FA2H: variants seen among roughly 807,000 people sequenced by gnomAD.
The protein encoded by FA2H is fatty acid alpha-hydroxylase.
A neutral mutation model predicts 44.9 loss-of-function variants in FA2H; 22 were observed. That is an observed-to-expected ratio of 0.49 (90% CI 0.35 to 0.70). The LOEUF (loss-of-function observed/expected upper bound fraction) is 0.70, where lower values mean the gene tolerates loss of function less well. Among genes scored for constraint, FA2H ranks in the 30% least tolerant of loss-of-function variants. The pLI is 0.01. For missense variants in FA2H, 501 were observed against 504.9 expected (o/e 0.99, Z 0.07); for synonymous variants, 243 against 213.2 (o/e 1.14, Z -1.22).
Position 74,714,246 on chromosome 16 carries a change from A to G in FA2H, c.1063T>C (p.Trp355Arg). The G allele has an allele frequency of 6.4e-7, 1 of 1,563,206 alleles. No individual in the cohort carries two copies. The highest frequency in any genetic ancestry group is 1.2e-5 in the South Asian group (1 of 84,770). ...KSGFGISTKL[W>R]DYCFHTLTPE... ...GTGAGGGTGTGGAAACAGTAATCCC[A>G]CAATTTAGTGCTGATACCAAATCCT... The change falls in exon 7 of 7, where the codon TGG becomes CGG. Residue 355 changes from tryptophan to arginine, a missense_variant. Transcript: ENST00000219368.
rs138154990 is a variant in FA2H, at chr16:74,754,789, A to G, written c.271-14674T>C. ...GTGACCCTCCTGCCTCGGCCTCCCA[A>G]AGTGCTGGGATTACATGCCTGAGCC... On this transcript the variant is annotated intron_variant, in intron 1 of 6. Coordinates refer to ENST00000219368, the MANE Select transcript of FA2H (RefSeq NM_024306.5). Among the ~76,000 whole-genome samples the G allele has an allele frequency of 1.8e-4, 28 of 152,194 alleles. No individual in the cohort carries two copies. The East Asian group carries it at 4.4e-3, about 24-fold the overall frequency.
At chr16:74,725,993 G>T in intron 4 of FA2H, 1 of 519,640 alleles carries the variant, frequency 1.9e-6, no homozygotes. Context: ...GCCACCCGAT[G>T]ATTCCATTTA....
At chr16:74,738,124 A>G (rs1318095132) in intron 2 of FA2H, among the ~76,000 whole-genome samples, 4 of 152,104 alleles carry the variant, frequency 2.6e-5, no homozygotes, top group African/African-American at 9.7e-5. Flanking sequence ...CTCCGTCCAG[A>G]GTAGGCCTCC....
chr16:74,731,698 T>C (rs1432377894), intron 2 of FA2H, among the ~76,000 whole-genome samples: 1 of 152,146 alleles, frequency 6.6e-6, no homozygotes, highest in Non-Finnish European at 1.5e-5. Context: ...TATTTTCTAT[T>C]TGTCTCCTCT....
At chr16:74,774,112 C>G (rs1363369159) in intron 1 of FA2H, among the ~76,000 whole-genome samples, 2 of 151,884 alleles carry the variant, frequency 1.3e-5, no homozygotes, top group African/African-American at 4.8e-5. Context: ...GAGGGAGAGG[C>G]CGATAAGTGA....
At chr16:74,717,661 C>A (rs1021628865) in intron 5 of FA2H, among the ~76,000 whole-genome samples, 1 of 152,186 alleles carries the variant, frequency 6.6e-6, no homozygotes, top group Non-Finnish European at 1.5e-5. Flanking sequence ...TCTGAGAACA[C>A]GTTCCTGATT....
rs577797404 is a variant in FA2H at position 74,760,155 on chromosome 16, T to C, written c.270+14331A>G. On this transcript the variant is annotated intron_variant, in intron 1 of 6. Transcript: ENST00000219368. Reference sequence around the variant, plus strand: ...AATGACAGGAGAATTGCTTGTCCACTCCCCTGGACACCCACTACGCTGCCG... The same window carrying C: ...AATGACAGGAGAATTGCTTGTCCACCCCCCTGGACACCCACTACGCTGCCG... Among the ~76,000 whole-genome samples, 444 of 152,174 alleles carry C rather than the reference T, an allele frequency of 2.9e-3. 3 individuals carry two copies. The highest frequency in any genetic ancestry group is 0.01 in the African/African-American group (431 of 41,510).
At chr16:74,743,284 GTA>G (rs1383216695) in intron 1 of FA2H, among the ~76,000 whole-genome samples, 1 of 152,258 alleles carries the variant, frequency 6.6e-6, no homozygotes, top group African/African-American at 2.4e-5. Flanking sequence ...GTAACAGGAA[GTA>G]AATCAAATGT....
Position 74,726,246 on chromosome 16 carries a change from G to A in FA2H, c.592C>T (p.Leu198Phe). The change falls in exon 4 of 7, where the codon CTC becomes TTC. Residue 198 changes from leucine (L) to phenylalanine (F), a missense_variant. Coordinates refer to ENST00000219368, the MANE Select transcript of FA2H (RefSeq NM_024306.5). The part of the protein sequence containing the change: ...YRTFAQGNVR[L>F]FTSFTTEYTV... ...TTACCTGTTGTAAATGACGTGAAGA[G>A]TCGGACGTTGCCCTGGGCAAAGGTT... 6.2e-7 allele frequency: 1 copy of A among 1,613,540 alleles called. No homozygotes were observed. Among genetic ancestry groups the A allele is most frequent in the Admixed American group, 1.7e-5 (1 of 60,030 alleles).
chr16:74,756,548 A>C (rs1460917944), intron 1 of FA2H, among the ~76,000 whole-genome samples: 2 of 151,806 alleles, frequency 1.3e-5, no homozygotes, highest in Non-Finnish European at 2.9e-5. Flanking sequence ...AATCACTCCC[A>C]CCTCCTGTTC....
chr16:74,770,340 C>G (rs1169169604), intron 1 of FA2H, among the ~76,000 whole-genome samples: 1 of 152,232 alleles, frequency 6.6e-6, no homozygotes, highest in Admixed American at 6.5e-5. Flanking sequence ...ATCCCACCCC[C>G]AGATTTCTCC....
At chr16:74,744,154 C>T (rs1420266023) in intron 1 of FA2H, among the ~76,000 whole-genome samples, 10 of 152,156 alleles carry the variant, frequency 6.6e-5, no homozygotes, top group East Asian at 3.9e-4. Context: ...TCCAGACTCC[C>T]GCCCCGGTGT....
chr16:74,714,000 A>G lies in FA2H; in HGVS notation c.*190T>C. On this transcript the variant is annotated 3_prime_UTR_variant, in exon 7 of 7. Transcript: ENST00000219368. ...GCCACCTGGCCACCAAGTGGATGTG[A>G]CCCTCCTACCAGGGGTCAGGAGGGC... The G allele has an allele frequency of 3.4e-6, 2 of 586,610 alleles. No homozygotes were observed. The allele number at this position is 586,610 out of a possible 1,614,324, so 36.3% of individuals were successfully genotyped here.
At chr16:74,722,579 C>G (rs1009427621) in intron 4 of FA2H, among the ~76,000 whole-genome samples, 1 of 151,938 alleles carries the variant, frequency 6.6e-6, no homozygotes, top group Non-Finnish European at 1.5e-5. Flanking sequence ...ACTCATGGCT[C>G]CACTTTGCCA....
chr16:74,730,887 C>G (rs1485078062), intron 2 of FA2H, among the ~76,000 whole-genome samples: 3 of 152,124 alleles, frequency 2.0e-5, no homozygotes, highest in Admixed American at 6.6e-5. Context: ...GAGTAATCTG[C>G]CCAAGGTCGC....
At chr16:74,745,799 A>ATTTTTTTTTTTTTTTTTTTTTT (rs11365398) in intron 1 of FA2H, among the ~76,000 whole-genome samples, 1 of 72,428 alleles carries the variant, frequency 1.4e-5, no homozygotes, top group Non-Finnish European at 2.8e-5. Flanking sequence ...CTGTCAATGG[A>ATTTTTTTTTTTTTTTTTTTTTT]TTTTTTTTTT....
chr16:74,714,931 G>A (rs1961661440), intron 6 of FA2H, among the ~76,000 whole-genome samples: 1 of 151,034 alleles, frequency 6.6e-6, no homozygotes, highest in South Asian at 2.1e-4. Context: ...CCGCCTCCTG[G>A]GTCCAAGAGA....
intron 1 of FA2H, among the ~76,000 whole-genome samples, chr16:74,767,470 AG>A (rs1174772375): frequency 6.6e-6 from 1 of 152,240 alleles, no homozygotes; most frequent in Non-Finnish European, 1.5e-5. Flanking sequence ...GGGACTCTGC[AG>A]ATGTCATTAA....
chr16:74,735,204 G>C (rs894326785), intron 2 of FA2H, among the ~76,000 whole-genome samples: 1 of 152,206 alleles, frequency 6.6e-6, no homozygotes, highest in African/African-American at 2.4e-5. Flanking sequence ...CTGTCAGCCA[G>C]ATTGGGATCC....
Sources: allele counts gnomAD v4.1 joint callset (sites outside exome capture counted in the v4.1 genomes callset), GRCh38; gene constraint gnomAD v4.1.1; transcripts MANE v1.5; gene names NCBI Gene and HGNC (gene_info 2026-07-23, HGNC 2026-07-21).